The following AR variants were observed in gnomAD, a reference collection of about 807,000 sequenced individuals.
The protein encoded by AR is androgen receptor, also known as dihydrotestosterone receptor.
In AR, 8 loss-of-function variants were observed where a neutral mutation model predicts 53.9. That is an observed-to-expected ratio of 0.15 (90% confidence interval 0.09 to 0.27). AR has a LOEUF of 0.27. Ranked by LOEUF, AR falls within the 10% of genes least tolerant of loss-of-function variation. The pLI is 1.00. For synonymous variants in AR, 359 were observed against 316.4 expected (o/e 1.13, Z -1.43); for missense variants, 639 against 742.5 (o/e 0.86, Z 1.62).
intron 1 of AR, among the ~76,000 whole-genome samples, chrX:67,633,881 A>T (rs1487553430): frequency 8.9e-6 from 1 of 111,825 alleles, no homozygotes; most frequent in Non-Finnish European, 1.9e-5. Flanking sequence ...GATAGAAAGG[A>T]AATTAGTTTT....
intron 1 of AR, among the ~76,000 whole-genome samples, chrX:67,642,201 G>T (rs150601558): frequency 0.01 from 1,124 of 111,841 alleles, 35 homozygotes; most frequent in Admixed American, 0.084. Context: ...ATGGGCAGTT[G>T]TCATCTCCCT....
intron 2 of AR, among the ~76,000 whole-genome samples, chrX:67,681,800 T>C (rs771024988): frequency 1.8e-4 from 20 of 112,192 alleles, no homozygotes; most frequent in Non-Finnish European, 3.0e-4. Context: ...GGAATGGATG[T>C]GATACAACCA....
chrX:67,677,040 T>C (rs1194496724), intron 2 of AR, among the ~76,000 whole-genome samples: 1 of 110,782 alleles, frequency 9.0e-6, no homozygotes, highest in Non-Finnish European at 1.9e-5. Flanking sequence ...CTGGCCTCCC[T>C]TGACCCATTC....
Position 67,729,285 on chromosome X carries a change from CT to C in AR, c.*5447del, listed in dbSNP as rs936422094. ...TTCTGCCCACAGGTAGGGTGTTTTT[CT>C]TTGATTAAGAGATTGACACTTCTGT... On this transcript the variant is annotated 3_prime_UTR_variant, in exon 8 of 8. Coordinates refer to ENST00000374690, the MANE Select transcript of AR (RefSeq NM_000044.6). 11 of 173,925 alleles carry C rather than the reference CT, an allele frequency of 6.3e-5. No individual in the cohort carries two copies. Among genetic ancestry groups the C allele is most frequent in the African/African-American group, 3.2e-4 (11 of 33,918 alleles). 14.3% of individuals were successfully genotyped at this position (173,925 alleles called of 1,213,427 possible). A position where few individuals can be genotyped will look rare whatever the true frequency, so the allele number is the denominator to read the frequency against.
intron 1 of AR, among the ~76,000 whole-genome samples, chrX:67,558,576 A>G (rs1921157742): frequency 9.0e-6 from 1 of 111,524 alleles, no homozygotes; most frequent in African/African-American, 3.3e-5. Context: ...CTCACCAAAT[A>G]GGTGGGTGGC....
chrX:67,626,846 G>A (rs1333431913), intron 1 of AR, among the ~76,000 whole-genome samples: 1 of 89,477 alleles, frequency 1.1e-5, no homozygotes, highest in Non-Finnish European at 2.1e-5. Context: ...TGTTCTCATT[G>A]TTCAATTCCC....
intron 3 of AR, among the ~76,000 whole-genome samples, chrX:67,686,825 G>A (rs1244399189): frequency 1.8e-5 from 2 of 110,925 alleles, no homozygotes; most frequent in Admixed American, 9.6e-5. Context: ...CTATCATAAG[G>A]CTCTCTGTCC....
intron 1 of AR, among the ~76,000 whole-genome samples, chrX:67,579,928 T>C (rs1337951305): frequency 9.0e-6 from 1 of 111,403 alleles, no homozygotes; most frequent in Admixed American, 9.6e-5. Context: ...AAGGGTTAAA[T>C]TGTTCCTTCT....
chrX:67,690,053 C>G (rs1162996547), intron 3 of AR, among the ~76,000 whole-genome samples: 2 of 111,704 alleles, frequency 1.8e-5, no homozygotes, highest in Non-Finnish European at 1.9e-5. Context: ...TGGTGTTGGT[C>G]CCTGTTGATT....
At chrX:67,664,316 G>A (rs935269280) in intron 2 of AR, among the ~76,000 whole-genome samples, 3 of 112,000 alleles carry the variant, frequency 2.7e-5, no homozygotes, top group African/African-American at 9.7e-5. Context: ...TGTCCTTTCT[G>A]TTTGTTAGTT....
chrX:67,655,334 T>C (rs1340829633), intron 2 of AR, among the ~76,000 whole-genome samples: 4 of 111,055 alleles, frequency 3.6e-5, no homozygotes, highest in Admixed American at 1.9e-4. Flanking sequence ...AGCCTCCTAC[T>C]CCCCACTTTT....
intron 1 of AR, among the ~76,000 whole-genome samples, chrX:67,552,386 A>G (rs911757315): frequency 6.2e-5 from 7 of 112,542 alleles, no homozygotes; most frequent in African/African-American, 1.9e-4. Context: ...ATGTTCCACT[A>G]TATGGATATA....
intron 1 of AR, among the ~76,000 whole-genome samples, chrX:67,570,676 GAT>G (rs1389107506): frequency 9.0e-6 from 1 of 110,664 alleles, no homozygotes; most frequent in Non-Finnish European, 1.9e-5. Context: ...TCTTATTTCT[GAT>G]AAGACATCAC....
At chrX:67,601,188 G>A (rs1356403549) in intron 1 of AR, among the ~76,000 whole-genome samples, 1 of 111,980 alleles carries the variant, frequency 8.9e-6, no homozygotes, top group East Asian at 2.8e-4. Context: ...AATATAAATT[G>A]TTTGTGTTTT....
chrX:67,643,945 T>C (rs1050180386), intron 2 of AR, among the ~76,000 whole-genome samples: 41 of 111,967 alleles, frequency 3.7e-4, no homozygotes, highest in Admixed American at 2.1e-3. Flanking sequence ...GTCTTTGCAT[T>C]AATAGTTCCT....
chrX:67,683,248 T>G, intron 2 of AR, among the ~76,000 whole-genome samples: 1 of 111,701 alleles, frequency 9.0e-6, no homozygotes, highest in Non-Finnish European at 1.9e-5. Flanking sequence ...TGGGAGAGCT[T>G]TAGAGAACAA....
intron 2 of AR, among the ~76,000 whole-genome samples, chrX:67,663,138 T>C (rs929120026): frequency 5.4e-5 from 6 of 111,544 alleles, no homozygotes; most frequent in African/African-American, 2.0e-4. Context: ...AAGGTTAATA[T>C]TGTTATGTGT....
intron 3 of AR, among the ~76,000 whole-genome samples, chrX:67,702,565 T>C (rs1326015931): frequency 8.9e-6 from 1 of 111,956 alleles, no homozygotes; most frequent in Non-Finnish European, 1.9e-5. Flanking sequence ...CCCGCAGAAA[T>C]GATTGTTGGA....
At chrX:67,634,012 G>C (rs948421269) in intron 1 of AR, among the ~76,000 whole-genome samples, 4 of 110,878 alleles carry the variant, frequency 3.6e-5, no homozygotes, top group Non-Finnish European at 7.6e-5. Flanking sequence ...TGCTAAAATG[G>C]GTGAATTTTA....
Sources: allele counts gnomAD v4.1 joint callset (sites outside exome capture counted in the v4.1 genomes callset), GRCh38; gene constraint gnomAD v4.1.1; transcripts MANE v1.5; gene names NCBI Gene and HGNC (gene_info 2026-07-23, HGNC 2026-07-21).